The following ZC3H7A variants were observed in gnomAD, a reference collection of about 807,000 sequenced individuals.
ZC3H7A encodes the protein zinc finger CCCH domain-containing protein 7A.
ZC3H7A carries 44 observed loss-of-function variants against 125.5 expected under a neutral mutation model. The ratio of observed to expected loss-of-function variants is 0.35; its 90% CI spans 0.28 to 0.45. The LOEUF (loss-of-function observed/expected upper bound fraction) is 0.45, where lower values mean the gene tolerates loss of function less well. Among genes scored for constraint, ZC3H7A ranks in the 20% least tolerant of loss-of-function variants. The probability of loss-of-function intolerance (pLI) is 1.00; values close to 1 mark genes in which losing one functional copy is unlikely to be tolerated. For missense variants in ZC3H7A, 977 were observed against 1,170.7 expected, an observed-to-expected ratio of 0.83 and a Z score of 2.41; for synonymous variants, 399 against 391.2, an observed-to-expected ratio of 1.02 and a Z score of -0.23.
chr16:11,791,840 T>A (rs561858069), intron 1 of ZC3H7A, among the ~76,000 whole-genome samples: 83 of 152,300 alleles, frequency 5.4e-4, no homozygotes, highest in Non-Finnish European at 9.7e-4. Flanking sequence ...TTCCTCAAGA[T>A]ATACAATGAC....
intron 22 of ZC3H7A, among the ~76,000 whole-genome samples, chr16:11,752,336 A>C (rs933364936): frequency 2.0e-5 from 3 of 152,236 alleles, no homozygotes; most frequent in Non-Finnish European, 4.4e-5. Flanking sequence ...ACTGTGAGCA[A>C]AGGTTGTGGC....
chr16:11,761,881 T>C (rs761053309), intron 18 of ZC3H7A, 29 bp downstream of exon 18: 12 of 1,603,886 alleles, frequency 7.5e-6, no homozygotes, highest in Non-Finnish European at 9.3e-6. Context: ...AATTACAAAA[T>C]AGGAATTGTT....
chr16:11,761,012 CATG>C (rs937084212), intron 19 of ZC3H7A, among the ~76,000 whole-genome samples: 1 of 152,118 alleles, frequency 6.6e-6, no homozygotes, highest in African/African-American at 2.4e-5. Context: ...AGAGACAAGG[CATG>C]ATAAAAACAA....
At position 11,751,220 on chromosome 16, in the gene ZC3H7A, A is replaced by G; in HGVS notation, c.*97T>C. The G allele has an allele frequency of 2.3e-6, 3 of 1,310,700 alleles. No individual in the cohort carries two copies. The highest frequency in any genetic ancestry group is 3.1e-6 in the Non-Finnish European group (3 of 970,914). 81.2% of individuals were successfully genotyped at this position (1,310,700 alleles called of 1,614,324 possible). On this transcript the variant is annotated 3_prime_UTR_variant, in exon 23 of 23. Coordinates refer to ENST00000355758, the MANE Select transcript of ZC3H7A (RefSeq NM_014153.4). Reference sequence around the variant, plus strand: ...AGGAGGAACGATATACGCCAATACAAGCAGGAAATCTGCAGCTCCTCTGCT... The same window carrying G: ...AGGAGGAACGATATACGCCAATACAGGCAGGAAATCTGCAGCTCCTCTGCT...
At chr16:11,788,078 C>G (rs56911695) in intron 1 of ZC3H7A, among the ~76,000 whole-genome samples, 4,154 of 152,096 alleles carry the variant, frequency 0.027, 215 homozygotes, top group African/African-American at 0.095. Flanking sequence ...TAAAATCTAG[C>G]CTCAATTTTA....
chr16:11,770,710 A>G (rs1237281170), intron 10 of ZC3H7A, 73 bp downstream of exon 10: 1 of 1,383,994 alleles, frequency 7.2e-7, no homozygotes. Context: ...AGTCAGTTAA[A>G]TAATTGCCAA....
At chr16:11,775,544 G>T (rs576077724) in intron 7 of ZC3H7A, 1 of 152,178 alleles carries the variant, frequency 6.6e-6, no homozygotes, top group Non-Finnish European at 1.5e-5. Flanking sequence ...ATTTCTCGTG[G>T]ACCAGCATTT....
At chr16:11,755,310 G>C (rs2052624491) in intron 21 of ZC3H7A, among the ~76,000 whole-genome samples, 4 of 151,950 alleles carry the variant, frequency 2.6e-5, no homozygotes, top group African/African-American at 9.7e-5. Flanking sequence ...GAACATATGG[G>C]GTTCTAACTT....
intron 9 of ZC3H7A, among the ~76,000 whole-genome samples, chr16:11,773,773 C>T (rs1476227585): frequency 6.6e-6 from 1 of 151,518 alleles, no homozygotes; most frequent in Non-Finnish European, 1.5e-5. Flanking sequence ...GTCCCAGCTA[C>T]TCAGGAAGCT....
Position 11,774,969 on chromosome 16 carries a change from T to G in ZC3H7A, c.619+11A>C, listed in dbSNP as rs751047212. On this transcript the variant is annotated intron_variant, in intron 8 of 22. Transcript: ENST00000355758. ...CTATTCAAATTGTTAAGATGATATG[T>G]GAAAACATACCTGGCTCAATATCTT... The G allele has an allele frequency of 9.9e-6, 16 of 1,613,934 alleles. No individual in the cohort carries two copies. Among genetic ancestry groups the G allele is most frequent in the Non-Finnish European group, 8.5e-7 (1 of 1,179,930 alleles).
chr16:11,765,664 C>T lies in ZC3H7A; in HGVS notation c.1544G>A (p.Cys515Tyr), dbSNP rs2052843770. Residue 515 changes from cysteine (C) to tyrosine (Y), a missense_variant, in exon 14 of 23, where the codon TGT becomes TAT. Around this residue, in one of 3 missense-constraint regions of ZC3H7A, gnomAD observed 436 missense variants for 603.2 expected, o/e 0.72. Coordinates refer to ENST00000355758, the MANE Select transcript of ZC3H7A (RefSeq NM_014153.4). This position sits in a 1 kb window ranked among gnomAD's most constrained non-coding sequence, Gnocchi z 4.8. ...AAACGTGCAGTGGCCTGAATATCTA[C>T]ATTCCTCCTCAGCAGCAACATCTAG... ...ICKDVAAEEE[C>Y]RYSGHCTFAY... is the part of the protein sequence containing the mutation. The T allele has an allele frequency of 6.2e-7, 1 of 1,613,506 alleles. No homozygotes were observed. Among genetic ancestry groups the T allele is most frequent in the Non-Finnish European group, 8.5e-7 (1 of 1,179,642 alleles).
intron 4 of ZC3H7A, among the ~76,000 whole-genome samples, chr16:11,777,585 G>A (rs1190181393): frequency 6.6e-6 from 1 of 151,952 alleles, no homozygotes; most frequent in Non-Finnish European, 1.5e-5. Context: ...AGCCAGGCGT[G>A]GTGGCGGGTG....
intron 1 of ZC3H7A, among the ~76,000 whole-genome samples, chr16:11,790,438 T>A (rs2053330792): frequency 6.6e-6 from 1 of 152,236 alleles, no homozygotes; most frequent in Non-Finnish European, 1.5e-5. Flanking sequence ...CTTTATATGT[T>A]GAGGAAAATA....
At position 11,758,421 on chromosome 16, in the gene ZC3H7A, A is replaced by G; in HGVS notation, c.2428+10T>C. 1.9e-6 allele frequency: 3 copies of G among 1,596,718 alleles called. No individual in the cohort carries two copies. The highest frequency in any genetic ancestry group is 2.6e-6 in the Non-Finnish European group (3 of 1,164,358). ...GCTAGCTCAAGGACACAGCTAAAAGATTAACTTACTCCCATTCTCCTTCAT... is the reference window on the plus strand; with the variant it reads ...GCTAGCTCAAGGACACAGCTAAAAGGTTAACTTACTCCCATTCTCCTTCAT... On this transcript the variant is annotated intron_variant, in intron 20 of 22. Coordinates refer to ENST00000355758, the MANE Select transcript of ZC3H7A (RefSeq NM_014153.4).
intron 20 of ZC3H7A, among the ~76,000 whole-genome samples, chr16:11,757,824 G>A (rs1342296110): frequency 6.6e-6 from 1 of 152,116 alleles, no homozygotes; most frequent in East Asian, 1.9e-4. Flanking sequence ...AAATCTGGTT[G>A]GTTCTTATAA....
intron 5 of ZC3H7A, 77 bp from the exon 6 acceptor site, chr16:11,776,609 T>A (rs988952416): frequency 1.4e-5 from 21 of 1,507,160 alleles, no homozygotes; most frequent in African/African-American, 2.8e-5. Flanking sequence ...ACAGGGAAGT[T>A]TCCCATCAAG....
At position 11,762,655 on chromosome 16, in the gene ZC3H7A, C is replaced by T. The variant is rs771696561; in HGVS notation, c.2079+16G>A. On this transcript the variant is annotated intron_variant, in intron 17 of 22. Transcript: ENST00000355758. ...GAAAGGACACCAAATGCAGAAAGTA[C>T]ACAAGAGAAAAATACCTGCGCTCCA... 45 of 1,613,236 alleles carry T rather than the reference C, an allele frequency of 2.8e-5. No individual in the cohort carries two copies. The highest frequency in any genetic ancestry group is 3.6e-5 in the Non-Finnish European group (42 of 1,179,590).
intron 9 of ZC3H7A, among the ~76,000 whole-genome samples, chr16:11,772,227 G>C (rs1332191835): frequency 6.6e-6 from 1 of 151,270 alleles, no homozygotes; most frequent in African/African-American, 2.5e-5. Flanking sequence ...CCATTAAAGA[G>C]GAATTGTGGG....
chr16:11,774,669 G>A, intron 8 of ZC3H7A, 150 bp from the exon 9 acceptor site: 1 of 1,020,544 alleles, frequency 9.8e-7, no homozygotes. Flanking sequence ...ATTCCAAACA[G>A]ATACAGTCAC....
Sources: gnomAD v4.1 joint callset for allele counts (sites outside exome capture counted in the v4.1 genomes callset) on GRCh38, gnomAD v4.1.1 for gene constraint, gnomAD v4.1.1 regional missense constraint, Gnocchi (gnomAD v3.1) non-coding constraint, MANE v1.5 for transcripts, NCBI Gene and HGNC (gene_info 2026-07-23, HGNC 2026-07-21) for gene names.